PTGFR: variants seen among roughly 807,000 people sequenced by gnomAD.
The protein encoded by PTGFR is prostaglandin F2-alpha receptor.
A neutral mutation model predicts 26.2 loss-of-function variants in PTGFR; 15 were observed. The ratio of observed to expected loss-of-function variants is 0.57; its 90% confidence interval spans 0.38 to 0.88. The LOEUF is 0.88. Among genes scored for constraint, PTGFR ranks in the 40% least tolerant of loss-of-function variants. The pLI is 0.00. For missense variants in PTGFR, 369 were observed against 427.2 expected, an observed-to-expected ratio of 0.86 and a Z score of 1.20; for synonymous variants, 165 against 151.1, an observed-to-expected ratio of 1.09 and a Z score of -0.68.
intron 2 of PTGFR, among the ~76,000 whole-genome samples, chr1:78,501,935 C>G (rs1376402468): frequency 1.3e-5 from 2 of 152,120 alleles, no homozygotes; most frequent in African/African-American, 2.4e-5. Context: ...CAAAAATACT[C>G]AAAAAGTTTA....
chr1:78,519,923 T>C (rs1364044936), intron 2 of PTGFR, among the ~76,000 whole-genome samples: 1 of 152,164 alleles, frequency 6.6e-6, no homozygotes, highest in African/African-American at 2.4e-5. Flanking sequence ...TAATTGTTGA[T>C]TTATAAATTC....
At chr1:78,500,820 T>C (rs1262450965) in intron 2 of PTGFR, among the ~76,000 whole-genome samples, 1 of 152,224 alleles carries the variant, frequency 6.6e-6, no homozygotes, top group African/African-American at 2.4e-5. Flanking sequence ...GGAATTGAGC[T>C]CATTTAAGTA....
Position 78,540,431 on chromosome 1 carries a change from T to C in PTGFR, c.*3744T>C, listed in dbSNP as rs1269159694. Among the ~76,000 whole-genome samples, 1 of 152,154 alleles carries C rather than the reference T, an allele frequency of 6.6e-6. No homozygotes were observed. Reference sequence around the variant, plus strand: ...AAACAGAAACGATTTTTAAAAGTTGTTTTAAACATTTAGAAACATCATGGC... The same window carrying C: ...AAACAGAAACGATTTTTAAAAGTTGCTTTAAACATTTAGAAACATCATGGC... On this transcript the variant is annotated 3_prime_UTR_variant, in exon 3 of 3. Coordinates refer to ENST00000370757, the MANE Select transcript of PTGFR (RefSeq NM_000959.4).
At chr1:78,502,819 A>G (rs1401269293) in intron 2 of PTGFR, among the ~76,000 whole-genome samples, 2 of 152,156 alleles carry the variant, frequency 1.3e-5, no homozygotes, top group African/African-American at 4.8e-5. Context: ...TTAACTGTTC[A>G]TAATGTCTAT....
rs988003724 is a variant in PTGFR at position 78,537,332 on chromosome 1, G to A, written c.*645G>A. The A allele has an allele frequency of 4.6e-5, 7 of 152,054 alleles. No homozygotes were observed. The highest frequency in any genetic ancestry group is 7.4e-5 in the Non-Finnish European group (5 of 67,994). 9.4% of individuals were successfully genotyped at this position (152,054 alleles called of 1,614,324 possible). The stretch of plus-strand genomic sequence containing the variant: ...GCCTACATTTATTATTATGAAGGTC[G>A]ATTGTTGTTGGAAGTGTTTTTTCAT... On this transcript the variant is annotated 3_prime_UTR_variant, in exon 3 of 3. Coordinates refer to ENST00000370757, the MANE Select transcript of PTGFR (RefSeq NM_000959.4).
In PTGFR at chr1:78,535,658, G is replaced by C. The variant is rs557495434; in HGVS notation, c.799-748G>C. ...AAGTCAAAGCTGGGATCAGTGATTT[G>C]CTTAGTTCTAACATGTAGCTGGGAC... On this transcript the variant is annotated intron_variant, in intron 2 of 2. Transcript: ENST00000370757. 4.6e-5 allele frequency among the ~76,000 whole-genome samples: 7 copies of C among 152,200 alleles called. No homozygotes were observed. The East Asian group carries it at 1.4e-3, about 29-fold the overall frequency.
chr1:78,521,369 A>T (rs1650237654), intron 2 of PTGFR, among the ~76,000 whole-genome samples: 1 of 152,142 alleles, frequency 6.6e-6, no homozygotes, highest in Non-Finnish European at 1.5e-5. Context: ...TATATGGCTG[A>T]ACTACTTGAT....
At chr1:78,499,110 A>G (rs1649633052) in intron 2 of PTGFR, among the ~76,000 whole-genome samples, 1 of 152,170 alleles carries the variant, frequency 6.6e-6, no homozygotes, top group African/African-American at 2.4e-5. Flanking sequence ...CTAGCAGAGG[A>G]GCTGCCCTGG....
At chr1:78,510,629 C>T (rs1026695007) in intron 2 of PTGFR, among the ~76,000 whole-genome samples, 4 of 152,178 alleles carry the variant, frequency 2.6e-5, no homozygotes, top group African/African-American at 7.2e-5. Context: ...AACACACAAA[C>T]TATATCATTC....
At chr1:78,493,740 T>C (rs1161393879) in intron 2 of PTGFR, among the ~76,000 whole-genome samples, 199 bp downstream of exon 2, 1 of 152,252 alleles carries the variant, frequency 6.6e-6, no homozygotes, top group African/African-American at 2.4e-5. Context: ...AAGAAATGTG[T>C]TGCTAAACAA....
At chr1:78,512,963 C>T (rs1445537902) in intron 2 of PTGFR, among the ~76,000 whole-genome samples, 1 of 152,138 alleles carries the variant, frequency 6.6e-6, no homozygotes, top group Non-Finnish European at 1.5e-5. Flanking sequence ...CGTATGCTTC[C>T]TAATGTCCTC....
At chr1:78,507,530 G>T (rs1649855987) in intron 2 of PTGFR, among the ~76,000 whole-genome samples, 1 of 152,100 alleles carries the variant, frequency 6.6e-6, no homozygotes, top group African/African-American at 2.4e-5. Context: ...GTTCCATAGG[G>T]ATATAGTCTA....
At chr1:78,521,194 T>C (rs1388943776) in intron 2 of PTGFR, among the ~76,000 whole-genome samples, 1 of 152,142 alleles carries the variant, frequency 6.6e-6, no homozygotes, top group Admixed American at 6.6e-5. Context: ...CCAAAGGAAT[T>C]ACATTCCTTT....
chr1:78,498,101 A>T (rs989140540), intron 2 of PTGFR, among the ~76,000 whole-genome samples: 1 of 152,188 alleles, frequency 6.6e-6, no homozygotes, highest in Non-Finnish European at 1.5e-5. Context: ...TGGGTGGCTA[A>T]TTGAACTTTG....
At chr1:78,498,709 CACAAACAA>C (rs202187163) in intron 2 of PTGFR, among the ~76,000 whole-genome samples, 2 of 152,050 alleles carry the variant, frequency 1.3e-5, no homozygotes, top group Non-Finnish European at 2.9e-5. Context: ...CAAACAAACA[CACAAACAA>C]ACAAACAAAC....
At chr1:78,515,933 G>A (rs1207513411) in intron 2 of PTGFR, among the ~76,000 whole-genome samples, 2 of 152,066 alleles carry the variant, frequency 1.3e-5, no homozygotes, top group Admixed American at 6.5e-5. Flanking sequence ...ATGAAACAAC[G>A]TCCTTATAGC....
intron 2 of PTGFR, among the ~76,000 whole-genome samples, chr1:78,524,906 A>ATTTTTTTTTTTTT (rs35641651): frequency 2.0e-4 from 14 of 70,484 alleles, no homozygotes; most frequent in Non-Finnish European, 3.5e-4. Context: ...CAAATGCAAG[A>ATTTTTTTTTTTTT]TTTTTTTTTT....
At chr1:78,512,250 C>T (rs182619917) in intron 2 of PTGFR, among the ~76,000 whole-genome samples, 60 of 152,258 alleles carry the variant, frequency 3.9e-4, no homozygotes, top group South Asian at 6.2e-4. Context: ...ATCAACACTC[C>T]GCTCATGGTA....
chr1:78,499,654 G>A (rs1048673348), intron 2 of PTGFR, among the ~76,000 whole-genome samples: 28 of 152,314 alleles, frequency 1.8e-4, no homozygotes, highest in African/African-American at 5.8e-4. Flanking sequence ...GTGTTCAGGA[G>A]TTCCCTAAGA....
Sources: gnomAD v4.1 joint callset for allele counts (sites outside exome capture counted in the v4.1 genomes callset) on GRCh38, gnomAD v4.1.1 for gene constraint, MANE v1.5 for transcripts, NCBI Gene and HGNC (gene_info 2026-07-23, HGNC 2026-07-21) for gene names.